Variants in ADARB1 observed in about 807,000 individuals in gnomAD.
ADARB1 encodes the protein double-stranded RNA-specific editase 1.
ADARB1 carries 10 observed loss-of-function variants against 52.4 expected under a neutral mutation model. The ratio of observed to expected loss-of-function variants is 0.19; its 90% CI spans 0.12 to 0.32. The LOEUF (loss-of-function observed/expected upper bound fraction) is 0.32. Ranked by LOEUF, ADARB1 falls within the 10% of genes least tolerant of loss-of-function variation. The pLI is 1.00. For missense variants in ADARB1, 643 were observed against 922.3 expected, an observed-to-expected ratio of 0.70 and a Z score of 3.92; for synonymous variants, 349 against 371.1, an observed-to-expected ratio of 0.94 and a Z score of 0.68.
chr21:45,121,939 T>C (rs1326826328), intron 1 of ADARB1, among the ~76,000 whole-genome samples: 2 of 152,238 alleles, frequency 1.3e-5, no homozygotes, highest in Non-Finnish European at 2.9e-5. Context: ...CCATTGTTGC[T>C]ACTAATTCTT....
chr21:45,223,017 C>G lies in ADARB1; in HGVS notation c.*820C>G. On this transcript the variant is annotated 3_prime_UTR_variant, in exon 11 of 11. Coordinates refer to ENST00000348831, the MANE Select transcript of ADARB1 (RefSeq NM_001112.4). ...TCACAGATAATACATGGCCAGTAAT[C>G]CCAGGCTGGCCATTCATTCAGGTTT... is the stretch of plus-strand genomic sequence containing the variant. 1.0e-6 allele frequency: 1 copy of G among 985,434 alleles called. No homozygotes were observed. Among genetic ancestry groups the G allele is most frequent in the Non-Finnish European group, 1.2e-6 (1 of 829,918 alleles). 61.0% of individuals were successfully genotyped at this position (985,434 alleles called of 1,614,324 possible).
chr21:45,174,788 C>T (rs966248754), intron 3 of ADARB1, among the ~76,000 whole-genome samples: 1 of 152,034 alleles, frequency 6.6e-6, no homozygotes, highest in Admixed American at 6.5e-5. Context: ...TGTAATTTTA[C>T]AATTCTAAAA....
chr21:45,109,607 CTTTTGTTT>C (rs2145746984), intron 1 of ADARB1, among the ~76,000 whole-genome samples: 1 of 151,824 alleles, frequency 6.6e-6, no homozygotes, highest in Non-Finnish European at 1.5e-5. Flanking sequence ...TAGATGGAGA[CTTTTGTTT>C]TTGTCCCATC....
At chr21:45,169,143 C>G (rs1467378099) in intron 2 of ADARB1, among the ~76,000 whole-genome samples, 1 of 152,184 alleles carries the variant, frequency 6.6e-6, no homozygotes, top group Non-Finnish European at 1.5e-5. Context: ...GAGAGCCCAG[C>G]TTCCCCACAT....
intron 9 of ADARB1, among the ~76,000 whole-genome samples, chr21:45,211,815 T>C (rs1273202870): frequency 6.6e-6 from 1 of 152,232 alleles, no homozygotes; most frequent in East Asian, 1.9e-4. Flanking sequence ...CCTAGTTCCC[T>C]CTTTGCAGGC....
chr21:45,151,660 C>T (rs189370818), intron 2 of ADARB1, among the ~76,000 whole-genome samples: 424 of 152,268 alleles, frequency 2.8e-3, no homozygotes, highest in Non-Finnish European at 4.6e-3. Context: ...GCCTGAACAG[C>T]GTTTTTCTAG....
intron 8 of ADARB1, among the ~76,000 whole-genome samples, chr21:45,194,441 CCT>C (rs2092377923): frequency 3.5e-5 from 4 of 113,206 alleles, no homozygotes; most frequent in Middle Eastern, 9.4e-3. Context: ...CTGTTCACCC[CCT>C]CTCACCTCCT....
intron 1 of ADARB1, among the ~76,000 whole-genome samples, chr21:45,077,263 T>C (rs2085975449): frequency 6.6e-6 from 1 of 152,194 alleles, no homozygotes; most frequent in Non-Finnish European, 1.5e-5. Flanking sequence ...TAGTTAACTT[T>C]GGAAAGAAAT....
chr21:45,082,585 T>C (rs1431156152), intron 1 of ADARB1, among the ~76,000 whole-genome samples: 3 of 152,224 alleles, frequency 2.0e-5, no homozygotes, highest in African/African-American at 7.2e-5. Context: ...TCATTACCCC[T>C]ATTTATCAGA....
rs1240210230 is a variant in ADARB1 at position 45,221,982 on chromosome 21, G to A, written c.1927-36G>A. 14 of 1,598,260 alleles carry A rather than the reference G, an allele frequency of 8.8e-6. No homozygotes were observed. Among genetic ancestry groups the A allele is most frequent in the East Asian group, 4.5e-5 (2 of 44,794 alleles). Reference sequence around the variant, plus strand: ...AGGTGTTGTTTTCATCTGTTACAGCGTCAACAGTTGCATTTGTTTTTTTAT... The same window carrying A: ...AGGTGTTGTTTTCATCTGTTACAGCATCAACAGTTGCATTTGTTTTTTTAT... On this transcript the variant is annotated intron_variant, in intron 10 of 10. Coordinates refer to ENST00000348831, the MANE Select transcript of ADARB1 (RefSeq NM_001112.4). The surrounding 1 kb of genome is among the most constrained non-coding windows in gnomAD (Gnocchi z 4.9).
intron 1 of ADARB1, among the ~76,000 whole-genome samples, chr21:45,087,506 A>C (rs2086392751): frequency 6.6e-6 from 1 of 152,124 alleles, no homozygotes. Flanking sequence ...AGCCAGAAAC[A>C]AAAGAGATGG....
At chr21:45,214,983 G>A (rs891849786) in intron 9 of ADARB1, among the ~76,000 whole-genome samples, 7 of 152,162 alleles carry the variant, frequency 4.6e-5, no homozygotes, top group African/African-American at 1.2e-4. Flanking sequence ...TCTCTTACAT[G>A]TCATCTTGGG....
rs545059562 is a variant in ADARB1, at chr21:45,081,317, G to A, written c.-220+6524G>A. ...GTGCCTCACAACTACACACGGACCC[G>A]GCTTATGATGGTTCCAGTAACAATT... On this transcript the variant is annotated intron_variant, in intron 1 of 10. Transcript: ENST00000348831. Among the ~76,000 whole-genome samples the A allele has an allele frequency of 3.9e-5, 6 of 152,230 alleles. No individual in the cohort carries two copies. The South Asian group carries it at 1.2e-3, about 32-fold the overall frequency.
At chr21:45,075,574 G>A (rs959450595) in intron 1 of ADARB1, among the ~76,000 whole-genome samples, 6 of 152,282 alleles carry the variant, frequency 3.9e-5, no homozygotes, top group African/African-American at 1.4e-4. Flanking sequence ...ATCTGGGGCA[G>A]TTGGGGGCCC....
At position 45,172,776 on chromosome 21, in the gene ADARB1, G is replaced by A. The variant is rs954752875; in HGVS notation, c.28+1092G>A. On this transcript the variant is annotated intron_variant, in intron 3 of 10. Coordinates refer to ENST00000348831, the MANE Select transcript of ADARB1 (RefSeq NM_001112.4). This position sits in a 1 kb window ranked among gnomAD's most constrained non-coding sequence, Gnocchi z 4.4. Reference sequence around the variant, plus strand: ...GCTACCCAGGAACCACGGGACCAGCGTGCTCACCTCACTTCCGCTGTTGTG... The same window carrying A: ...GCTACCCAGGAACCACGGGACCAGCATGCTCACCTCACTTCCGCTGTTGTG... Among the ~76,000 whole-genome samples the A allele has an allele frequency of 2.6e-5, 4 of 152,192 alleles. No homozygotes were observed. The highest frequency in any genetic ancestry group is 4.8e-5 in the African/African-American group (2 of 41,434).
chr21:45,165,503 G>T (rs562908588), intron 2 of ADARB1, among the ~76,000 whole-genome samples: 1 of 152,072 alleles, frequency 6.6e-6, no homozygotes, highest in Admixed American at 6.5e-5. Flanking sequence ...TTGCAGGGAC[G>T]GTTTCCTAGA....
rs146201109 is a variant in ADARB1, at chr21:45,204,571, A to G, written c.1582A>G (p.Ile528Val). The G allele has an allele frequency of 6.8e-3, 10,937 of 1,614,102 alleles. 56 individuals are homozygous for G. The highest frequency in any genetic ancestry group is 8.0e-3 in the Non-Finnish European group (9,487 of 1,179,986). Residue 528 changes from isoleucine to valine, a missense_variant, in exon 9 of 11, where the codon ATC (isoleucine) becomes GTC (valine). Physicochemically the swap from Ile to Val is conservative, Grantham distance 29 (BLOSUM62 3). Coordinates refer to ENST00000348831, the MANE Select transcript of ADARB1 (RefSeq NM_001112.4). This position sits in a 1 kb window ranked among gnomAD's most constrained non-coding sequence, Gnocchi z 4.4. The part of the protein sequence containing the change: ...DKIARWNVVG[I>V]QGSLLSIFVE... The stretch of plus-strand genomic sequence containing the variant: ...TCCCTCCAGCTGGAACGTGGTGGGC[A>G]TCCAGGGATCCCTGCTCAGCATTTT...
chr21:45,179,320 A>G (rs1886246002), intron 4 of ADARB1, among the ~76,000 whole-genome samples: 1 of 152,226 alleles, frequency 6.6e-6, no homozygotes, highest in Non-Finnish European at 1.5e-5. Flanking sequence ...TAAGAGAAAA[A>G]CATCCTGACA....
intron 9 of ADARB1, among the ~76,000 whole-genome samples, chr21:45,206,294 A>G (rs1426027123): frequency 2.0e-5 from 3 of 152,216 alleles, no homozygotes; most frequent in African/African-American, 7.2e-5. Flanking sequence ...ATAGTTGTTA[A>G]TTAGGGCCTT....
Sources: allele counts gnomAD v4.1 joint callset (sites outside exome capture counted in the v4.1 genomes callset), GRCh38; gene constraint gnomAD v4.1.1; non-coding constraint Gnocchi (gnomAD v3.1); transcripts MANE v1.5; gene names NCBI Gene and HGNC (gene_info 2026-07-23, HGNC 2026-07-21).